The following IL16 variants were observed in gnomAD, a reference collection of about 807,000 sequenced individuals.
The protein encoded by IL16 is pro-interleukin-16.
A neutral mutation model predicts 110.1 loss-of-function variants in IL16; 67 were observed. The ratio of observed to expected loss-of-function variants is 0.61; its 90% confidence interval spans 0.50 to 0.75. The LOEUF (loss-of-function observed/expected upper bound fraction) is 0.75. Ranked by LOEUF, IL16 falls within the 30% of genes least tolerant of loss-of-function variation. The probability of loss-of-function intolerance (pLI) is 0.00; values close to 1 mark genes in which losing one functional copy is unlikely to be tolerated. For missense variants in IL16, 1,545 were observed against 1,655.0 expected (o/e 0.93, Z 1.15); for synonymous variants, 689 against 662.9 (o/e 1.04, Z -0.61).
At chr15:81,215,677 C>G in intron 1 of IL16, among the ~76,000 whole-genome samples, 1 of 152,206 alleles carries the variant, frequency 6.6e-6, no homozygotes, top group East Asian at 1.9e-4. Flanking sequence ...GTTCTTCACC[C>G]TTTCTGGATT....
chr15:81,228,387 C>A (rs142630862), intron 2 of IL16, among the ~76,000 whole-genome samples: 100 of 150,058 alleles, frequency 6.7e-4, no homozygotes, highest in African/African-American at 2.4e-3. Flanking sequence ...GGGGTGCGAT[C>A]TCAGCTCATT....
chr15:81,306,602 C>G, intron 18 of IL16, 57 bp downstream of exon 18: 1 of 1,600,852 alleles, frequency 6.2e-7, no homozygotes, highest in Non-Finnish European at 8.5e-7. Flanking sequence ...GTGGCCAGGC[C>G]CCCAAAAGGC....
intron 1 of IL16, among the ~76,000 whole-genome samples, chr15:81,215,045 A>G (rs1202533416): frequency 2.0e-5 from 3 of 152,158 alleles, no homozygotes; most frequent in African/African-American, 7.2e-5. Flanking sequence ...GATTCCCTGG[A>G]TTGATTGGGC....
At chr15:81,265,103 C>T (rs1399099140) in intron 3 of IL16, among the ~76,000 whole-genome samples, 1 of 152,010 alleles carries the variant, frequency 6.6e-6, no homozygotes, top group Non-Finnish European at 1.5e-5. Flanking sequence ...GTGGTTTCCA[C>T]AAAGTAGAGG....
At chr15:81,210,065 G>A (rs1475093551) in intron 1 of IL16, among the ~76,000 whole-genome samples, 2 of 152,148 alleles carry the variant, frequency 1.3e-5, no homozygotes, top group African/African-American at 4.8e-5. Context: ...TAAGGTTCTG[G>A]TTTCATTCTT....
At chr15:81,301,943 T>G in intron 15 of IL16, 1 of 155,090 alleles carries the variant, frequency 6.4e-6, no homozygotes, top group South Asian at 1.9e-4. Context: ...CCACTGTGCA[T>G]GGAGAGGTGG....
intron 12 of IL16, among the ~76,000 whole-genome samples, chr15:81,295,152 C>T (rs780594757): frequency 3.3e-5 from 5 of 152,142 alleles, no homozygotes; most frequent in Admixed American, 6.5e-5. Flanking sequence ...ACAGGATTTT[C>T]GAAGAATCCT....
chr15:81,185,662 C>A (rs998933972), intron 1 of IL16, among the ~76,000 whole-genome samples: 2 of 152,118 alleles, frequency 1.3e-5, no homozygotes, highest in Admixed American at 6.5e-5. Flanking sequence ...CTCTGGGGAT[C>A]TAATGGGACA....
In IL16 at chr15:81,305,963, G is replaced by A; in HGVS notation, c.3476G>A (p.Gly1159Asp). The A allele has an allele frequency of 6.2e-7, 1 of 1,614,174 alleles. No individual in the cohort carries two copies. The highest frequency in any genetic ancestry group is 8.5e-7 in the Non-Finnish European group (1 of 1,180,030). Residue 1159 changes from glycine to aspartate, a missense_variant, in exon 17 of 19, where the codon GGC (glycine) becomes GAC (aspartate). Around this residue, in one of 3 missense-constraint regions of IL16, gnomAD observed 356 missense variants for 399.3 expected, o/e 0.89. Coordinates refer to ENST00000683961, the MANE Select transcript of IL16 (RefSeq NM_172217.5). ...TCCCAGGAAGGGACTATTCAGAAGGGCAATGAGGTTCTTTCCATCAACGGC... is the reference window on the plus strand; with the variant it reads ...TCCCAGGAAGGGACTATTCAGAAGGACAATGAGGTTCTTTCCATCAACGGC... Reference protein sequence around the residue: ...LASQEGTIQKGNEVLSINGKS... With the variant: ...LASQEGTIQKDNEVLSINGKS...
At chr15:81,250,594 T>G (rs1192975660) in intron 2 of IL16, among the ~76,000 whole-genome samples, 1 of 152,232 alleles carries the variant, frequency 6.6e-6, no homozygotes, top group African/African-American at 2.4e-5. Context: ...AAGTCAAAGC[T>G]GGTTCCTGCA....
intron 11 of IL16, among the ~76,000 whole-genome samples, chr15:81,290,974 CTA>C (rs1361350546): frequency 6.6e-6 from 1 of 152,216 alleles, no homozygotes; most frequent in African/African-American, 2.4e-5. Flanking sequence ...AAATCAGAGA[CTA>C]TGCTAATTCA....
In IL16 at chr15:81,299,504, C is replaced by A; in HGVS notation, c.2178C>A (p.Ser726Arg). The change falls in exon 14 of 19, where the codon AGC becomes AGA. Residue 726 changes from serine to arginine, a missense_variant. Physicochemically the swap from Ser to Arg is moderately radical, Grantham distance 110. This residue lies in a region of IL16 where 1,185 missense variants were observed against 1,238.8 expected (regional missense o/e 0.96). Transcript: ENST00000683961. ...RISDCIKNLFSPIMSENHGHM... is the reference protein window; with the variant it reads ...RISDCIKNLFRPIMSENHGHM... The stretch of plus-strand genomic sequence containing the variant: ...CTGACTGCATCAAAAACTTATTTAG[C>A]CCCATCATGAGTGAGAACCATGGCC... 1 of 1,614,142 alleles carries A rather than the reference C, an allele frequency of 6.2e-7. No homozygotes were observed. The highest frequency in any genetic ancestry group is 8.5e-7 in the Non-Finnish European group (1 of 1,180,008).
chr15:81,192,035 A>G (rs1403706883), upstream of IL16, among the ~76,000 whole-genome samples: 1 of 152,214 alleles, frequency 6.6e-6, no homozygotes, highest in Non-Finnish European at 1.5e-5. Context: ...GTCTGATACT[A>G]CAGTGGTAGA....
At chr15:81,298,790 T>C (rs1900117377) in intron 13 of IL16, among the ~76,000 whole-genome samples, 1 of 152,160 alleles carries the variant, frequency 6.6e-6, no homozygotes, top group Admixed American at 6.5e-5. Flanking sequence ...GGCAGGTACA[T>C]ACATGGGAAA....
intron 1 of IL16, among the ~76,000 whole-genome samples, chr15:81,218,888 T>A (rs1439514392): frequency 6.6e-6 from 1 of 152,154 alleles, no homozygotes; most frequent in African/African-American, 2.4e-5. Context: ...CCCATTCATA[T>A]ACATTTAGGT....
intron 1 of IL16, among the ~76,000 whole-genome samples, chr15:81,202,516 C>A (rs556491532): frequency 1.3e-5 from 2 of 149,598 alleles, no homozygotes; most frequent in Admixed American, 6.7e-5. Context: ...TGATGTTCCC[C>A]TTCCTGTGTC....
At chr15:81,289,143 T>A (rs1281819794) in intron 10 of IL16, among the ~76,000 whole-genome samples, 1 of 152,222 alleles carries the variant, frequency 6.6e-6, no homozygotes, top group African/African-American at 2.4e-5. Context: ...GCCAATACTT[T>A]GTTATTTTCT....
At chr15:81,195,762 C>T (rs937931313), upstream of IL16, among the ~76,000 whole-genome samples, 1 of 152,190 alleles carries the variant, frequency 6.6e-6, no homozygotes, top group Admixed American at 6.5e-5. Context: ...ACAAAAACCT[C>T]AGCCTAGCAT....
chr15:81,313,261 C>T lies in IL16; in HGVS notation c.*4463C>T, dbSNP rs777072860. 7 of 1,567,200 alleles carry T rather than the reference C, an allele frequency of 4.5e-6. No individual in the cohort carries two copies. On this transcript the variant is annotated 3_prime_UTR_variant, in exon 19 of 19. Coordinates refer to ENST00000683961, the MANE Select transcript of IL16 (RefSeq NM_172217.5). ...GCCAAGAAGTAACGATAGCATTACT[C>T]ATGGAATTGCTTCACTGCTTTCTGA... is the stretch of plus-strand genomic sequence containing the variant.
Sources: gnomAD v4.1 joint callset for allele counts (sites outside exome capture counted in the v4.1 genomes callset) on GRCh38, gnomAD v4.1.1 for gene constraint, gnomAD v4.1.1 regional missense constraint, MANE v1.5 for transcripts, NCBI Gene and HGNC (gene_info 2026-07-23, HGNC 2026-07-21) for gene names.